The following DNAH14 variants were observed in gnomAD, a reference collection of about 807,000 sequenced individuals.
DNAH14 encodes the protein dynein axonemal heavy chain 14, also known as axonemal beta dynein heavy chain 14.
Under a neutral mutation model 520.9 loss-of-function variants are expected in DNAH14, and 478 were observed. The ratio of observed to expected loss-of-function variants is 0.92; its 90% CI spans 0.85 to 0.99. The LOEUF is 0.99. DNAH14 is among the 50% of genes least tolerant of loss of function. The pLI is 0.00. For synonymous variants in DNAH14, 1,581 were observed against 1,757.2 expected (o/e 0.90, Z 2.51); for missense variants, 4,831 against 5,234.5 (o/e 0.92, Z 2.38).
At chr1:224,952,886 A>G in intron 2 of DNAH14, 107 bp downstream of exon 2, 1 of 741,460 alleles carries the variant, frequency 1.3e-6, no homozygotes, top group Non-Finnish European at 2.0e-6. Flanking sequence ...ATATCTTATC[A>G]GAATTTATTG....
intron 43 of DNAH14, among the ~76,000 whole-genome samples, chr1:225,244,158 T>C (rs1264608331): frequency 2.0e-5 from 3 of 152,078 alleles, no homozygotes; most frequent in African/African-American, 7.2e-5. Flanking sequence ...TTATTGATTA[T>C]TGATTTGTGT....
intron 27 of DNAH14, among the ~76,000 whole-genome samples, chr1:225,137,106 C>T (rs950107721): frequency 1.3e-5 from 2 of 152,188 alleles, no homozygotes; most frequent in Non-Finnish European, 2.9e-5. Context: ...GCTCATTTAA[C>T]TCAGTAAAGT....
intron 57 of DNAH14, among the ~76,000 whole-genome samples, chr1:225,304,419 G>A (rs540540715): frequency 2.6e-5 from 4 of 152,008 alleles, no homozygotes; most frequent in South Asian, 4.2e-4. Context: ...TTAGCCAGGT[G>A]TGGTGGCACA....
At chr1:225,078,897 T>TCTCTCTCTCC (rs1558884706) in intron 17 of DNAH14, among the ~76,000 whole-genome samples, 2 of 135,894 alleles carry the variant, frequency 1.5e-5, no homozygotes, top group African/African-American at 5.6e-5. Context: ...TCTCTCTCTC[T>TCTCTCTCTCC]CCCCGCTTTT....
At chr1:224,997,046 T>G (rs2063440120) in intron 8 of DNAH14, among the ~76,000 whole-genome samples, 1 of 151,960 alleles carries the variant, frequency 6.6e-6, no homozygotes, top group African/African-American at 2.4e-5. Flanking sequence ...CTTCTGGGAG[T>G]GACCAGCTAG....
chr1:225,128,519 A>T (rs185227064), intron 27 of DNAH14, among the ~76,000 whole-genome samples: 6,526 of 152,032 alleles, frequency 0.043, 416 homozygotes, highest in African/African-American at 0.14. Flanking sequence ...AATATACGCA[A>T]ATCAATAAAT....
intron 17 of DNAH14, among the ~76,000 whole-genome samples, chr1:225,070,486 C>T (rs917688675): frequency 2.0e-5 from 3 of 152,092 alleles, no homozygotes; most frequent in African/African-American, 4.8e-5. Context: ...TCAGGAGCAG[C>T]TTATTCCATT....
chr1:225,323,175 T>C (rs1388115838), intron 62 of DNAH14, among the ~76,000 whole-genome samples: 1 of 152,102 alleles, frequency 6.6e-6, no homozygotes, highest in Non-Finnish European at 1.5e-5. Context: ...CATACCACCA[T>C]TACTGACCAG....
chr1:225,039,478 T>C (rs2067252908), intron 12 of DNAH14, among the ~76,000 whole-genome samples: 1 of 152,156 alleles, frequency 6.6e-6, no homozygotes, highest in South Asian at 2.1e-4. Context: ...GTATCTGTTA[T>C]GTTTTGATTT....
At chr1:224,985,990 A>G (rs561497631) in intron 8 of DNAH14, among the ~76,000 whole-genome samples, 2 of 152,274 alleles carry the variant, frequency 1.3e-5, no homozygotes, top group South Asian at 4.1e-4. Flanking sequence ...AGTTTATTCA[A>G]AGGAATAATA....
intron 8 of DNAH14, among the ~76,000 whole-genome samples, chr1:224,977,610 C>T (rs1177724575): frequency 6.6e-6 from 1 of 152,134 alleles, no homozygotes; most frequent in African/African-American, 2.4e-5. Context: ...TCTCCACATG[C>T]ACCAAGTTGT....
At chr1:225,314,603 C>T (rs1319427709) in intron 60 of DNAH14, among the ~76,000 whole-genome samples, 5 of 152,190 alleles carry the variant, frequency 3.3e-5, no homozygotes, top group African/African-American at 9.7e-5. Flanking sequence ...TTTAGTGCTT[C>T]CCTCAGGAGC....
intron 21 of DNAH14, among the ~76,000 whole-genome samples, chr1:225,087,892 C>T (rs1290288608): frequency 2.0e-5 from 3 of 152,192 alleles, no homozygotes; most frequent in African/African-American, 7.2e-5. Context: ...CTGGTGCTCA[C>T]ACAGGGCTGG....
Position 225,289,868 on chromosome 1 carries a change from T to G in DNAH14, c.8272-17T>G. On this transcript the variant is annotated splice_polypyrimidine_tract_variant and intron_variant, in intron 54 of 85. Coordinates refer to ENST00000682510, the MANE Select transcript of DNAH14 (RefSeq NM_001367479.1). The stretch of plus-strand genomic sequence containing the variant: ...CAGAAAATGTATGTCATGTGTTGTA[T>G]TTCTTTTCTCCCAAAGATTGGAATA... 1 of 1,341,018 alleles carries G rather than the reference T, an allele frequency of 7.5e-7. No homozygotes were observed. The highest frequency in any genetic ancestry group is 9.7e-7 in the Non-Finnish European group (1 of 1,034,912). 83.1% of individuals were successfully genotyped at this position (1,341,018 alleles called of 1,614,324 possible). A position where few individuals can be genotyped will look rare whatever the true frequency, so the allele number is the denominator to read the frequency against.
intron 1 of DNAH14, among the ~76,000 whole-genome samples, chr1:224,931,699 C>G (rs892999427): frequency 2.6e-5 from 4 of 152,150 alleles, no homozygotes; most frequent in African/African-American, 7.2e-5. Flanking sequence ...TAAGTGAGAA[C>G]ATGATATTTA....
At chr1:225,329,503 G>C (rs1038218486) in intron 64 of DNAH14, among the ~76,000 whole-genome samples, 2 of 152,120 alleles carry the variant, frequency 1.3e-5, no homozygotes, top group African/African-American at 4.8e-5. Context: ...TTCACCAAAT[G>C]CTTTTGAGCA....
At position 225,022,773 on chromosome 1, in the gene DNAH14, C is replaced by A. The variant is rs189915122; in HGVS notation, c.1108-842C>A. Among the ~76,000 whole-genome samples, 213 of 152,224 alleles carry A rather than the reference C, an allele frequency of 1.4e-3. 2 individuals carry two copies. Among genetic ancestry groups the A allele is most frequent in the Non-Finnish European group, 7.4e-4 (50 of 68,022 alleles). The stretch of plus-strand genomic sequence containing the variant: ...ACCCAAAGGAAAATAAATTGTTCTA[C>A]CAAAAAGACACATTCATGCTTATGT... On this transcript the variant is annotated intron_variant, in intron 10 of 85. Transcript: ENST00000682510.
At chr1:225,025,003 T>A (rs1205833643) in intron 11 of DNAH14, among the ~76,000 whole-genome samples, 1 of 152,134 alleles carries the variant, frequency 6.6e-6, no homozygotes, top group Admixed American at 6.6e-5. Flanking sequence ...GCTCGTTTTT[T>A]AAACACAATG....
intron 41 of DNAH14, among the ~76,000 whole-genome samples, chr1:225,210,757 G>A (rs1357406045): frequency 6.6e-6 from 1 of 152,180 alleles, no homozygotes; most frequent in Non-Finnish European, 1.5e-5. Context: ...GAGAGCCCCA[G>A]CTGGCATCTG....
Sources: gnomAD v4.1 joint callset for allele counts (sites outside exome capture counted in the v4.1 genomes callset) on GRCh38, gnomAD v4.1.1 for gene constraint, MANE v1.5 for transcripts, NCBI Gene and HGNC (gene_info 2026-07-23, HGNC 2026-07-21) for gene names.